Variants in BLTP3A observed in about 807,000 individuals in gnomAD.
The protein encoded by BLTP3A is bridge-like lipid transfer protein family member 3A.
chr6:34,805,735 C>CAAAAAAAAAAAAAAA, the BLTP3A span, among the ~76,000 whole-genome samples: 1 of 73,722 alleles, frequency 1.4e-5, no homozygotes, highest in Admixed American at 1.6e-4. Context: ...GACCCTATCT[C>CAAAAAAAAAAAAAAA]AAAAAAAAAA....
the BLTP3A span, chr6:34,821,880 G>C: frequency 6.2e-7 from 1 of 1,614,198 alleles, no homozygotes; most frequent in Non-Finnish European, 8.5e-7. Context: ...TGGAGGGTCA[G>C]CTACCACAGC....
chr6:34,834,976 G>T, the BLTP3A span: 1 of 1,304,032 alleles, frequency 7.7e-7, no homozygotes, highest in Non-Finnish European at 1.1e-6. Context: ...ACAGTTGAAG[G>T]GGGAAGGCCT....
At chr6:34,861,282 C>T in the BLTP3A span, among the ~76,000 whole-genome samples, 53 of 152,164 alleles carry the variant, frequency 3.5e-4, no homozygotes, top group African/African-American at 1.1e-3. Context: ...TGCGCCACCA[C>T]GCCCAGCTAA....
At chr6:34,810,721 G>A in the BLTP3A span, among the ~76,000 whole-genome samples, 4 of 152,058 alleles carry the variant, frequency 2.6e-5, no homozygotes, top group South Asian at 2.1e-4. Context: ...CTCCTGCCTC[G>A]ACCTCTCAAA....
chr6:34,831,405 G>A, the BLTP3A span, among the ~76,000 whole-genome samples: 1 of 152,152 alleles, frequency 6.6e-6, no homozygotes, highest in Non-Finnish European at 1.5e-5. Context: ...TGGGATTACA[G>A]GCATGAACCA....
chr6:34,792,530 C>CCGCT, the BLTP3A span, among the ~76,000 whole-genome samples: 2 of 152,188 alleles, frequency 1.3e-5, no homozygotes, highest in African/African-American at 4.8e-5. Context: ...GGCGCCGGTG[C>CCGCT]CGCTAGTCTC....
chr6:34,812,005 T>G, the BLTP3A span, among the ~76,000 whole-genome samples: 2 of 151,874 alleles, frequency 1.3e-5, no homozygotes, highest in African/African-American at 4.8e-5. Flanking sequence ...CCAGCTTCGG[T>G]AACAGTGAGA....
At chr6:34,824,220 T>A in the BLTP3A span, among the ~76,000 whole-genome samples, 631 of 151,970 alleles carry the variant, frequency 4.2e-3, 2 homozygotes, top group Middle Eastern at 6.8e-3. Flanking sequence ...GGAAAAAAAA[T>A]ATATTGCTAT....
the BLTP3A span, chr6:34,821,543 C>T: frequency 9.1e-7 from 1 of 1,100,136 alleles, no homozygotes; most frequent in Non-Finnish European, 1.3e-6. Context: ...CTAGCCTTAA[C>T]AAATGTTCTT....
At chr6:34,810,859 TAA>T in the BLTP3A span, among the ~76,000 whole-genome samples, 1 of 152,232 alleles carries the variant, frequency 6.6e-6, no homozygotes, top group African/African-American at 2.4e-5. Context: ...TTTTTGCACT[TAA>T]GTTTCGATAA....
chr6:34,872,040 GT>G, the BLTP3A span: 6 of 1,065,968 alleles, frequency 5.6e-6, no homozygotes, highest in African/African-American at 8.0e-5. Flanking sequence ...GCATGTGGGT[GT>G]TTTGGGTTCC....
At chr6:34,827,804 G>A in the BLTP3A span, among the ~76,000 whole-genome samples, 3 of 152,002 alleles carry the variant, frequency 2.0e-5, no homozygotes, top group Non-Finnish European at 2.9e-5. Context: ...GCTAATTTTT[G>A]TATTTTTAGT....
At chr6:34,870,957 G>T in the BLTP3A span, 1 of 1,614,108 alleles carries the variant, frequency 6.2e-7, no homozygotes, top group Non-Finnish European at 8.5e-7. Flanking sequence ...ATTCCCCCCT[G>T]GCCTCACAAA....
At chr6:34,827,777 G>A in the BLTP3A span, among the ~76,000 whole-genome samples, 52 of 152,008 alleles carry the variant, frequency 3.4e-4, no homozygotes, top group Non-Finnish European at 6.2e-4. Context: ...GATTATGGGC[G>A]CCTGCCACCA....
At chr6:34,856,897 G>T in the BLTP3A span, 1 of 1,614,050 alleles carries the variant, frequency 6.2e-7, no homozygotes, top group African/African-American at 1.3e-5. Flanking sequence ...TAGCTGCATG[G>T]TGGTACGGGT....
At chr6:34,806,184 T>C in the BLTP3A span, among the ~76,000 whole-genome samples, 3 of 152,236 alleles carry the variant, frequency 2.0e-5, no homozygotes, top group African/African-American at 7.2e-5. Context: ...TATCAAGTCA[T>C]TAAGCATTAA....
At chr6:34,818,162 G>T in the BLTP3A span, among the ~76,000 whole-genome samples, 1 of 152,124 alleles carries the variant, frequency 6.6e-6, no homozygotes, top group Non-Finnish European at 1.5e-5. Flanking sequence ...CCGGCCAGAT[G>T]TGTAGGATTA....
the BLTP3A span, among the ~76,000 whole-genome samples, chr6:34,866,750 C>A: frequency 6.6e-6 from 1 of 152,192 alleles, no homozygotes; most frequent in Non-Finnish European, 1.5e-5. Flanking sequence ...ATTTCCCCTC[C>A]CCTCAGTCCC....
chr6:34,837,519 T>TA, the BLTP3A span, among the ~76,000 whole-genome samples: 29,286 of 151,204 alleles, frequency 0.19, 3,354 homozygotes, highest in African/African-American at 0.31. Flanking sequence ...CTCCATCTCT[T>TA]AAAAAAAAAT....
Sources: allele counts gnomAD v4.1 joint callset (sites outside exome capture counted in the v4.1 genomes callset), GRCh38; gene constraint gnomAD v4.1.1; transcripts MANE v1.5; gene names NCBI Gene and HGNC (gene_info 2026-07-23, HGNC 2026-07-21).